The following GABBR2 variants were observed in gnomAD, a reference collection of about 807,000 sequenced individuals.
GABBR2 encodes G-protein coupled receptor 51.
Under a neutral mutation model 105.6 loss-of-function variants are expected in GABBR2, and 23 were observed. The ratio of observed to expected loss-of-function variants is 0.22; its 90% CI spans 0.16 to 0.31. GABBR2 has a LOEUF of 0.31. GABBR2 is among the 10% of genes least tolerant of loss of function. The pLI is 1.00. For synonymous variants in GABBR2, 478 were observed against 499.7 expected, an observed-to-expected ratio of 0.96 and a Z score of 0.58; for missense variants, 734 against 1,245.5, an observed-to-expected ratio of 0.59 and a Z score of 6.18.
At chr9:98,540,822 A>C (rs1404172046) in intron 3 of GABBR2, among the ~76,000 whole-genome samples, 1 of 152,256 alleles carries the variant, frequency 6.6e-6, no homozygotes, top group Non-Finnish European at 1.5e-5. Context: ...CAAATGGGAA[A>C]AAAGACAGGA....
intron 14 of GABBR2, among the ~76,000 whole-genome samples, chr9:98,310,170 C>A (rs924796486): frequency 6.6e-6 from 1 of 152,132 alleles, no homozygotes; most frequent in African/African-American, 2.4e-5. Flanking sequence ...AAGGATCAAC[C>A]TGGGCTGAAA....
chr9:98,603,050 AC>A (rs67204732), intron 1 of GABBR2, among the ~76,000 whole-genome samples: 51,346 of 152,042 alleles, frequency 0.34, 9,123 homozygotes, highest in African/African-American at 0.47. Flanking sequence ...GGACTTGGCC[AC>A]CCCCAAGGGA....
chr9:98,700,520 C>T (rs1045700433), intron 1 of GABBR2, among the ~76,000 whole-genome samples: 7 of 152,158 alleles, frequency 4.6e-5, no homozygotes, highest in African/African-American at 9.7e-5. Context: ...CTTCCTTCCC[C>T]GTCTCCTTCC....
chr9:98,538,627 T>C (rs559694954), intron 3 of GABBR2: 1 of 983,088 alleles, frequency 1.0e-6, no homozygotes, highest in Admixed American at 6.1e-5. Context: ...CCCGCTTCCA[T>C]AGTCCTAATG....
chr9:98,367,901 C>G (rs764460517), intron 12 of GABBR2, among the ~76,000 whole-genome samples: 3 of 152,102 alleles, frequency 2.0e-5, no homozygotes, highest in African/African-American at 7.2e-5. Flanking sequence ...TTTACATAAC[C>G]AAGTTGGTTT....
At chr9:98,580,209 G>A (rs1398564037) in intron 1 of GABBR2, among the ~76,000 whole-genome samples, 1 of 152,040 alleles carries the variant, frequency 6.6e-6, no homozygotes, top group Non-Finnish European at 1.5e-5. Flanking sequence ...TTTCTCTGCT[G>A]GGAACACAAT....
intron 13 of GABBR2, among the ~76,000 whole-genome samples, chr9:98,349,814 T>A (rs1182693404): frequency 1.3e-5 from 2 of 152,318 alleles, no homozygotes; most frequent in Middle Eastern, 3.4e-3. Flanking sequence ...TTTGGAATAG[T>A]TTGAGAAGAA....
intron 2 of GABBR2, among the ~76,000 whole-genome samples, chr9:98,570,441 T>A (rs747705027): frequency 5.3e-5 from 8 of 152,180 alleles, no homozygotes; most frequent in Non-Finnish European, 8.8e-5. Context: ...GCAAGATGAT[T>A]TCTGTCTGCA....
At chr9:98,630,760 A>C (rs1446059577) in intron 1 of GABBR2, among the ~76,000 whole-genome samples, 1 of 152,184 alleles carries the variant, frequency 6.6e-6, no homozygotes, top group Non-Finnish European at 1.5e-5. Context: ...AAAAAATGAA[A>C]AAGGAGAGTT....
At chr9:98,464,605 C>A (rs1826507141) in intron 6 of GABBR2, among the ~76,000 whole-genome samples, 1 of 151,786 alleles carries the variant, frequency 6.6e-6, no homozygotes, top group South Asian at 2.1e-4. Context: ...GGGAAGTGTA[C>A]CCAACAGCTC....
intron 7 of GABBR2, among the ~76,000 whole-genome samples, chr9:98,436,845 C>G (rs1825935768): frequency 6.6e-6 from 1 of 152,088 alleles, no homozygotes; most frequent in African/African-American, 2.4e-5. Context: ...AAATATAATC[C>G]TATGAACATC....
At chr9:98,304,383 A>C (rs1485524525) in intron 15 of GABBR2, 1 of 152,416 alleles carries the variant, frequency 6.6e-6, no homozygotes, top group African/African-American at 2.4e-5. Context: ...AGCCAGCCCA[A>C]CATCAGAAAC....
At chr9:98,394,077 A>G in intron 9 of GABBR2, 98 bp downstream of exon 9, 3 of 831,622 alleles carry the variant, frequency 3.6e-6, no homozygotes, top group Non-Finnish European at 6.2e-6. Flanking sequence ...TGACCCCCTG[A>G]AGCCAAGGAT....
chr9:98,589,368 C>T (rs1829116748), intron 1 of GABBR2, among the ~76,000 whole-genome samples: 1 of 152,200 alleles, frequency 6.6e-6, no homozygotes, highest in African/African-American at 2.4e-5. Context: ...ACCAACACAC[C>T]CCTTCAAGCT....
chr9:98,598,235 A>G (rs1191432680), intron 1 of GABBR2, among the ~76,000 whole-genome samples: 1 of 152,234 alleles, frequency 6.6e-6, no homozygotes, highest in African/African-American at 2.4e-5. Context: ...TGAGGAGGCC[A>G]GAGAGACATC....
rs549707633 is a variant in GABBR2, at chr9:98,367,525, G to A, written c.1770+3939C>T. On this transcript the variant is annotated intron_variant, in intron 12 of 18. Transcript: ENST00000259455. ...TGGGTATGGAGTTTCAGTTTGGGAA[G>A]ATGAAAAGGTTTGGAGATGGATGGT... 6.8e-4 allele frequency among the ~76,000 whole-genome samples: 103 copies of A among 152,258 alleles called. 3 individuals are homozygous for A. The South Asian group carries it at 0.02, about 29-fold the overall frequency.
At chr9:98,490,765 C>T (rs1053865822) in intron 4 of GABBR2, among the ~76,000 whole-genome samples, 5 of 152,182 alleles carry the variant, frequency 3.3e-5, no homozygotes, top group Non-Finnish European at 5.9e-5. Context: ...CTGGAACTCT[C>T]CCTATGAGTG....
At chr9:98,622,118 C>T (rs556662912) in intron 1 of GABBR2, among the ~76,000 whole-genome samples, 1 of 152,280 alleles carries the variant, frequency 6.6e-6, no homozygotes, top group Non-Finnish European at 1.5e-5. Flanking sequence ...CTTCATCCCA[C>T]CTGCAACTCA....
intron 1 of GABBR2, among the ~76,000 whole-genome samples, chr9:98,587,276 C>T (rs1302396201): frequency 2.8e-4 from 43 of 152,168 alleles, no homozygotes; most frequent in Admixed American, 2.7e-3. Context: ...AGCCACAATG[C>T]CAAGCTGAAT....
Sources: gnomAD v4.1 joint callset for allele counts (sites outside exome capture counted in the v4.1 genomes callset) on GRCh38, gnomAD v4.1.1 for gene constraint, MANE v1.5 for transcripts, NCBI Gene and HGNC (gene_info 2026-07-23, HGNC 2026-07-21) for gene names.